Variants in PCLO observed in about 807,000 individuals in gnomAD.
PCLO encodes piccolo presynaptic cytomatrix protein, also known as protein piccolo.
PCLO carries 82 observed loss-of-function variants against 427.5 expected under a neutral mutation model. The observed-to-expected ratio is 0.19, with a 90% CI of 0.16 to 0.23. The LOEUF (loss-of-function observed/expected upper bound fraction) is 0.23. Ranked by LOEUF, PCLO falls within the 10% of genes least tolerant of loss-of-function variation. PCLO has a pLI of 1.00. For missense variants in PCLO, 6,239 were observed against 6,115.9 expected, an observed-to-expected ratio of 1.02 and a Z score of -0.67; for synonymous variants, 2,357 against 2,155.4, an observed-to-expected ratio of 1.09 and a Z score of -2.59.
At chr7:83,119,870 A>G (rs1358200960) in intron 3 of PCLO, among the ~76,000 whole-genome samples, 2 of 151,938 alleles carry the variant, frequency 1.3e-5, no homozygotes, top group African/African-American at 2.4e-5. Flanking sequence ...TCAAACAGAA[A>G]TTGTGTAACT....
In PCLO at chr7:82,951,109, T is replaced by A; in HGVS notation, c.9479A>T (p.Asp3160Val). 6.2e-7 allele frequency: 1 copy of A among 1,613,846 alleles called. No homozygotes were observed. The highest frequency in any genetic ancestry group is 8.5e-7 in the Non-Finnish European group (1 of 1,179,816). Residue 3160 changes from aspartate to valine, a missense_variant, in exon 6 of 25, where the codon GAT becomes GTT. By Grantham distance (152) the Asp-to-Val change is radical (BLOSUM62 -3). Around this residue, in one of 5 missense-constraint regions of PCLO, gnomAD observed 4,677 missense variants for 4,468.4 expected, o/e 1.05. Coordinates refer to ENST00000333891, the MANE Select transcript of PCLO (RefSeq NM_033026.6). ...AATAGTTTGCAAACTGGCACTGATA[T>A]CAATACCAGTTACTGCAATGTCCGT... ...SETDIAVTGI[D>V]ISASLQTITM...
At chr7:82,974,800 AC>A (rs1375462666) in intron 3 of PCLO, among the ~76,000 whole-genome samples, 1 of 151,986 alleles carries the variant, frequency 6.6e-6, no homozygotes, top group Non-Finnish European at 1.5e-5. Flanking sequence ...TTTTTTAGAG[AC>A]AGAGTCTTGC....
intron 20 of PCLO, 38 bp from the exon 21 acceptor site, chr7:82,805,867 A>T: frequency 6.4e-7 from 1 of 1,566,596 alleles, no homozygotes; most frequent in Non-Finnish European, 8.7e-7. Context: ...ACAGTCAATA[A>T]ATGAAGCTGA....
intron 1 of PCLO, among the ~76,000 whole-genome samples, chr7:83,157,837 C>T (rs1313955566): frequency 6.6e-6 from 1 of 151,808 alleles, no homozygotes; most frequent in Non-Finnish European, 1.5e-5. Context: ...AAGAAAGTAA[C>T]TTAGTAGCAC....
At chr7:82,852,436 G>A (rs1273922847) in intron 10 of PCLO, among the ~76,000 whole-genome samples, 5 of 152,100 alleles carry the variant, frequency 3.3e-5, no homozygotes, top group Admixed American at 2.0e-4. Flanking sequence ...GGAAAGAGCC[G>A]ACCTGCTGAG....
At chr7:83,088,479 C>T (rs1037260459) in intron 3 of PCLO, among the ~76,000 whole-genome samples, 3 of 152,176 alleles carry the variant, frequency 2.0e-5, no homozygotes, top group Admixed American at 1.3e-4. Context: ...AACCCTGTAT[C>T]TCATCCACTT....
rs535839397 is a variant in PCLO at position 82,754,576 on chromosome 7, T to A, written c.*3999A>T. ...TTTCAACTTCGTCTACTTTACCAAGTGTATACTTATGTACAAGGTAATGCA... is the reference window on the plus strand; with the variant it reads ...TTTCAACTTCGTCTACTTTACCAAGAGTATACTTATGTACAAGGTAATGCA... On this transcript the variant is annotated 3_prime_UTR_variant, in exon 25 of 25. Coordinates refer to ENST00000333891, the MANE Select transcript of PCLO (RefSeq NM_033026.6). The A allele has an allele frequency of 4.1e-4, 63 of 152,242 alleles. No homozygotes were observed. The highest frequency in any genetic ancestry group is 1.5e-3 in the African/African-American group (61 of 41,574). 9.4% of individuals were successfully genotyped at this position (152,242 alleles called of 1,614,324 possible). A position where few individuals can be genotyped will look rare whatever the true frequency, so the allele number is the denominator to read the frequency against.
At chr7:82,827,684 C>T (rs73169393) in intron 17 of PCLO, among the ~76,000 whole-genome samples, 189 bp downstream of exon 17, 51 of 152,122 alleles carry the variant, frequency 3.4e-4, no homozygotes, top group Middle Eastern at 3.4e-3. Context: ...TCAAAATGTG[C>T]ACATTTACTT....
In PCLO at chr7:82,825,012, A is replaced by G. The variant is rs149026236; in HGVS notation, c.14416-596T>C. The stretch of plus-strand genomic sequence containing the variant: ...ACTTATTTTAATCTTAAACTGGACT[A>G]GCAACCTTGAAAAATGTTTGATTTT... On this transcript the variant is annotated intron_variant, in intron 18 of 24. Coordinates refer to ENST00000333891, the MANE Select transcript of PCLO (RefSeq NM_033026.6). Among the ~76,000 whole-genome samples the G allele has an allele frequency of 3.1e-3, 472 of 152,238 alleles. 1 individual carries two copies. Among genetic ancestry groups the G allele is most frequent in the African/African-American group, 0.011 (453 of 41,562 alleles).
At chr7:82,913,866 T>C (rs1794381389) in intron 7 of PCLO, among the ~76,000 whole-genome samples, 1 of 151,960 alleles carries the variant, frequency 6.6e-6, no homozygotes, top group South Asian at 2.1e-4. Context: ...CATGGGATGA[T>C]ACAAAAAACA....
chr7:83,013,164 A>G (rs1449759843), intron 3 of PCLO, among the ~76,000 whole-genome samples: 1 of 152,140 alleles, frequency 6.6e-6, no homozygotes, highest in African/African-American at 2.4e-5. Context: ...AATAAAAATC[A>G]CATGTGAGAT....
intron 3 of PCLO, among the ~76,000 whole-genome samples, chr7:82,979,806 C>G (rs1002361576): frequency 6.6e-6 from 1 of 152,126 alleles, no homozygotes; most frequent in Non-Finnish European, 1.5e-5. Flanking sequence ...GAAAGTCACA[C>G]TGGCAAAAAT....
chr7:83,077,531 T>C (rs905932051), intron 3 of PCLO, among the ~76,000 whole-genome samples: 2 of 152,088 alleles, frequency 1.3e-5, no homozygotes, highest in African/African-American at 4.8e-5. Context: ...TCTGCCAGAC[T>C]TCATGCCAAG....
chr7:82,906,048 T>C (rs1437338679), intron 8 of PCLO, among the ~76,000 whole-genome samples: 2 of 150,488 alleles, frequency 1.3e-5, no homozygotes, highest in African/African-American at 5.0e-5. Context: ...GATAGATAGA[T>C]AGATAGGTAC....
intron 3 of PCLO, among the ~76,000 whole-genome samples, chr7:83,061,348 C>G (rs1328289938): frequency 6.6e-6 from 1 of 152,162 alleles, no homozygotes; most frequent in Non-Finnish European, 1.5e-5. Context: ...CAGTTTCTTG[C>G]TCACTGCTCC....
chr7:82,884,610 G>A (rs150599285), intron 9 of PCLO, among the ~76,000 whole-genome samples: 112 of 152,076 alleles, frequency 7.4e-4, no homozygotes, highest in Non-Finnish European at 1.4e-3. Flanking sequence ...AGGGTTTGCC[G>A]GATACTTCTA....
rs1187777873 is a variant in PCLO at position 82,838,367 on chromosome 7, A to G, written c.14098-25T>C. On this transcript the variant is annotated intron_variant, in intron 14 of 24. Coordinates refer to ENST00000333891, the MANE Select transcript of PCLO (RefSeq NM_033026.6). ...GCTTTAGGAGAGAGAAAAATATTCC[A>G]TAAGTTTTTAAAAGCATGTTATACA... is the stretch of plus-strand genomic sequence containing the variant. 6.7e-6 allele frequency: 9 copies of G among 1,350,144 alleles called. No homozygotes were observed. In the Admixed American group the frequency reaches 7.0e-5, roughly 11 times the overall value. 83.6% of individuals were successfully genotyped at this position (1,350,144 alleles called of 1,614,324 possible).
chr7:82,768,856 C>T (rs1370749193), intron 22 of PCLO, among the ~76,000 whole-genome samples: 2 of 152,018 alleles, frequency 1.3e-5, no homozygotes, highest in East Asian at 1.9e-4. Flanking sequence ...TACATTTGTA[C>T]ACATACCTCT....
In PCLO at chr7:82,761,482, C is replaced by T. The variant is rs755002336; in HGVS notation, c.15019G>A (p.Val5007Ile). 3 of 1,597,526 alleles carry T rather than the reference C, an allele frequency of 1.9e-6. No individual in the cohort carries two copies. Among genetic ancestry groups the T allele is most frequent in the Non-Finnish European group, 2.6e-6 (3 of 1,172,364 alleles). Reference sequence around the variant, plus strand: ...AATGCAATCTTGATTTCTCCCATTACCTGAGTTTTAGCTGGGAGAATTTAA... The same window carrying T: ...AATGCAATCTTGATTTCTCCCATTATCTGAGTTTTAGCTGGGAGAATTTAA... ...GLADTEAKTQ[V>I]MGEIKIALKK... The change falls in exon 23 of 25, where the codon GTA (valine) becomes ATA (isoleucine). Residue 5007 changes from valine (V) to isoleucine (I), a missense_variant. Physicochemically the swap from Val to Ile is conservative, Grantham distance 29 (BLOSUM62 3). Transcript: ENST00000333891.
Sources: allele counts gnomAD v4.1 joint callset (sites outside exome capture counted in the v4.1 genomes callset), GRCh38; gene constraint gnomAD v4.1.1; regional missense constraint gnomAD v4.1.1; transcripts MANE v1.5; gene names NCBI Gene and HGNC (gene_info 2026-07-23, HGNC 2026-07-21).